Variants in ZSWIM4 observed in about 807,000 individuals in gnomAD.
ZSWIM4 encodes zinc finger SWIM-type containing 4.
In ZSWIM4, 62 loss-of-function variants were observed where a neutral mutation model predicts 102.5. The ratio of observed to expected loss-of-function variants is 0.60; its 90% CI spans 0.49 to 0.75. The LOEUF (loss-of-function observed/expected upper bound fraction) is 0.75. ZSWIM4 is among the 30% of genes least tolerant of loss of function. The pLI is 0.00. For synonymous variants in ZSWIM4, 652 were observed against 674.5 expected, an observed-to-expected ratio of 0.97 and a Z score of 0.52; for missense variants, 1,280 against 1,529.6, an observed-to-expected ratio of 0.84 and a Z score of 2.72.
Position 13,831,190 on chromosome 19 carries a change from G to T in ZSWIM4, c.*140G>T. 2.7e-6 allele frequency: 3 copies of T among 1,094,474 alleles called. No individual in the cohort carries two copies. Among genetic ancestry groups the T allele is most frequent in the Non-Finnish European group, 3.8e-6 (3 of 784,436 alleles). The allele number at this position is 1,094,474 out of a possible 1,614,324, so 67.8% of individuals were successfully genotyped here. ...GCTGGAGATGGGGGCAGGGGGAGCAGCATCCTGCCACGTGTGTGCCTGGGA... is the reference window on the plus strand; with the variant it reads ...GCTGGAGATGGGGGCAGGGGGAGCATCATCCTGCCACGTGTGTGCCTGGGA... On this transcript the variant is annotated 3_prime_UTR_variant, in exon 14 of 14. Transcript: ENST00000590508.
At chr19:13,802,322 C>A (rs1474908395) in intron 2 of ZSWIM4, among the ~76,000 whole-genome samples, 1 of 150,094 alleles carries the variant, frequency 6.7e-6, no homozygotes, top group African/African-American at 2.4e-5. Context: ...CACAGTGGCT[C>A]ACACCTGTAA....
At chr19:13,808,457 C>T (rs963677299) in intron 3 of ZSWIM4, among the ~76,000 whole-genome samples, 8 of 151,752 alleles carry the variant, frequency 5.3e-5, no homozygotes, top group African/African-American at 1.7e-4. Flanking sequence ...ATGGATGGGT[C>T]GGGCACAGTA....
chr19:13,801,799 G>C (rs972005927), intron 2 of ZSWIM4, among the ~76,000 whole-genome samples: 1 of 150,486 alleles, frequency 6.6e-6, no homozygotes, highest in African/African-American at 2.5e-5. Context: ...GGCCTCCCTA[G>C]TAGCTGGGAC....
chr19:13,806,915 A>G (rs1017671972), intron 3 of ZSWIM4, among the ~76,000 whole-genome samples: 1 of 152,016 alleles, frequency 6.6e-6, no homozygotes, highest in Admixed American at 6.6e-5. Context: ...CGCTTTGTGT[A>G]GGGTGGATGG....
chr19:13,825,462 G>A lies in ZSWIM4; in HGVS notation c.2216-88G>A. On this transcript the variant is annotated intron_variant, in intron 11 of 13. Transcript: ENST00000590508. This position sits in a 1 kb window ranked among gnomAD's most constrained non-coding sequence, Gnocchi z 4.6. ...ACACTCACACATGTGCCCCTGGGTG[G>A]AAGGATCTGTGTGAACAGGTCGGGT... is the stretch of plus-strand genomic sequence containing the variant. The A allele has an allele frequency of 6.7e-7, 1 of 1,489,306 alleles. No individual in the cohort carries two copies. The highest frequency in any genetic ancestry group is 1.8e-4 in the Middle Eastern group (1 of 5,658). The allele number at this position is 1,489,306 out of a possible 1,614,324, so 92.3% of individuals were successfully genotyped here.
rs1405168849 is a variant in ZSWIM4, at chr19:13,830,563, C to T, written c.2834C>T (p.Ala945Val). The T allele has an allele frequency of 6.3e-7, 1 of 1,599,590 alleles. No individual in the cohort carries two copies. The highest frequency in any genetic ancestry group is 8.5e-7 in the Non-Finnish European group (1 of 1,179,692). The change falls in exon 14 of 14, where the codon GCC (alanine) becomes GTC (valine). Residue 945 changes from alanine (A) to valine (V), a missense_variant. Ala to Val is a moderately conservative substitution (Grantham distance 64, BLOSUM62 0). Coordinates refer to ENST00000590508, the MANE Select transcript of ZSWIM4 (RefSeq NM_001367834.3). ...PLRAYKLATL[A>V]LAQLSIAFNQ... ...CGGGCCTACAAGCTGGCGACGCTGG[C>T]CCTGGCGCAGCTCAGCATCGCCTTC...
chr19:13,819,530 G>C (rs1202259833), intron 10 of ZSWIM4, 38 bp downstream of exon 10: 1 of 1,550,516 alleles, frequency 6.4e-7, no homozygotes, highest in Admixed American at 1.9e-5. Flanking sequence ...AGGGGGAGCT[G>C]GGGGGAAGAG....
intron 5 of ZSWIM4, among the ~76,000 whole-genome samples, chr19:13,810,354 A>G (rs1172561045): frequency 6.6e-6 from 1 of 151,462 alleles, no homozygotes; most frequent in Non-Finnish European, 1.5e-5. Context: ...GTGCAGTGGC[A>G]CGATCTCGGC....
Position 13,804,799 on chromosome 19 carries a change from C to T in ZSWIM4, c.363C>T (p.His121=). The change falls in exon 3 of 14, where the codon CAC becomes CAT. Residue 121 remains histidine, a synonymous_variant. Coordinates refer to ENST00000590508, the MANE Select transcript of ZSWIM4 (RefSeq NM_001367834.3). Reference sequence around the variant, plus strand: ...GTTTGGCTTTGATCCTAGGATTCCACCTGAGCGGAAACATCCGCGAGCCAG... The same window carrying T: ...GTTTGGCTTTGATCCTAGGATTCCATCTGAGCGGAAACATCCGCGAGCCAG... ...AVDRVLQVGF[H]LSGNIREPGS... is the part of the protein sequence containing the mutation. 6.3e-7 allele frequency: 1 copy of T among 1,582,608 alleles called. No individual in the cohort carries two copies.
At chr19:13,815,553 C>T (rs940549038) in intron 7 of ZSWIM4, among the ~76,000 whole-genome samples, 1 of 146,572 alleles carries the variant, frequency 6.8e-6, no homozygotes, top group Non-Finnish European at 1.5e-5. Flanking sequence ...TTACTGCAAC[C>T]TCTGCCTCCC....
Position 13,807,570 on chromosome 19 carries a change from AGATGGATGGATGGATGGATGGATG to A in ZSWIM4, c.713-1241_713-1218del, listed in dbSNP as rs56365536. Among the ~76,000 whole-genome samples, 4 of 141,144 alleles carry A rather than the reference AGATGGATGGATGGATGGATGGATG, an allele frequency of 2.8e-5. No individual in the cohort carries two copies. In the East Asian group the frequency reaches 6.4e-4, roughly 23 times the overall value. 92.6% of individuals were successfully genotyped at this position (141,144 alleles called of 152,430 possible). A position where few individuals can be genotyped will look rare whatever the true frequency, so the allele number is the denominator to read the frequency against. ...GAATGAGCTCCTGGTGTTTTGGGCA[AGATGGATGGATGGATGGATGGATG>A]GATGGATGGATGGATGGATGGATGA... On this transcript the variant is annotated intron_variant, in intron 3 of 13. Coordinates refer to ENST00000590508, the MANE Select transcript of ZSWIM4 (RefSeq NM_001367834.3).
intron 6 of ZSWIM4, 42 bp from the exon 7 acceptor site, chr19:13,814,473 G>C: frequency 9.1e-7 from 1 of 1,101,442 alleles, no homozygotes; most frequent in Non-Finnish European, 1.1e-6. Context: ...AACTGCTATA[G>C]GGACCCCCCC....
chr19:13,801,864 T>G (rs1974779137), intron 2 of ZSWIM4, among the ~76,000 whole-genome samples: 1 of 150,966 alleles, frequency 6.6e-6, no homozygotes, highest in Admixed American at 6.6e-5. Context: ...AGAGACAGGG[T>G]TTCACCATGT....
At position 13,813,092 on chromosome 19, in the gene ZSWIM4, G is replaced by A. The variant is rs201840736; in HGVS notation, c.1108G>A (p.Val370Ile). 1.5e-4 allele frequency: 242 copies of A among 1,613,838 alleles called. No individual in the cohort carries two copies. Among genetic ancestry groups the A allele is most frequent in the Admixed American group, 3.2e-4 (19 of 59,976 alleles). Residue 370 changes from valine (V) to isoleucine (I), a missense_variant, in exon 6 of 14, where the codon GTC becomes ATC. Coordinates refer to ENST00000590508, the MANE Select transcript of ZSWIM4 (RefSeq NM_001367834.3). ...QLLSRWDKLD[V>I]CPLEEGNYSF... Reference sequence around the variant, plus strand: ...ACTCAGCAGGTGGGACAAGCTCGACGTCTGCCCACTGGAAGAGGGCAACTA... The same window carrying A: ...ACTCAGCAGGTGGGACAAGCTCGACATCTGCCCACTGGAAGAGGGCAACTA...
At chr19:13,821,271 G>A (rs1173267723) in intron 10 of ZSWIM4, among the ~76,000 whole-genome samples, 14 of 143,764 alleles carry the variant, frequency 9.7e-5, no homozygotes, top group African/African-American at 1.8e-4. Context: ...GAGACAGAGC[G>A]AGACTCTGTC....
intron 12 of ZSWIM4, among the ~76,000 whole-genome samples, chr19:13,828,257 A>T (rs539301505): frequency 6.6e-6 from 1 of 151,992 alleles, no homozygotes; most frequent in African/African-American, 2.4e-5. Context: ...AAAAATACAA[A>T]AATTAGCTGA....
rs764393920 is a variant in ZSWIM4 at position 13,809,040 on chromosome 19, C to A, written c.862-30C>A. 1 of 1,607,512 alleles carries A rather than the reference C, an allele frequency of 6.2e-7. No individual in the cohort carries two copies. ...CAGAAGGCCCCGGCGGACGCCCCAG[C>A]CCTTCCTCACCACCCTGTCCCCGGC... On this transcript the variant is annotated intron_variant, in intron 4 of 13. Transcript: ENST00000590508. The surrounding 1 kb of genome is among the most constrained non-coding windows in gnomAD (Gnocchi z 4.2).
At chr19:13,814,413 C>A in intron 6 of ZSWIM4, 102 bp from the exon 7 acceptor site, 5 of 542,748 alleles carry the variant, frequency 9.2e-6, no homozygotes, top group Non-Finnish European at 1.3e-5. Context: ...ATAGCTTTGC[C>A]CAGGCCTAAA....
Position 13,825,132 on chromosome 19 carries a change from C to T in ZSWIM4, c.2216-418C>T, listed in dbSNP as rs1373466237. Among the ~76,000 whole-genome samples the T allele has an allele frequency of 2.0e-5, 3 of 151,696 alleles. No individual in the cohort carries two copies. The highest frequency in any genetic ancestry group is 2.9e-5 in the Non-Finnish European group (2 of 67,938). On this transcript the variant is annotated intron_variant, in intron 11 of 13. Coordinates refer to ENST00000590508, the MANE Select transcript of ZSWIM4 (RefSeq NM_001367834.3). This position sits in a 1 kb window ranked among gnomAD's most constrained non-coding sequence, Gnocchi z 4.6. The stretch of plus-strand genomic sequence containing the variant: ...TCAGCTGACTGCAACCTCTGCCTCC[C>T]GGGTTCAAGCGATTCTCGTGCCTCA...
Sources: gnomAD v4.1 joint callset for allele counts (sites outside exome capture counted in the v4.1 genomes callset) on GRCh38, gnomAD v4.1.1 for gene constraint, Gnocchi (gnomAD v3.1) non-coding constraint, MANE v1.5 for transcripts, NCBI Gene and HGNC (gene_info 2026-07-23, HGNC 2026-07-21) for gene names.